FANCA: variants seen among roughly 807,000 people sequenced by gnomAD.
FANCA encodes Fanconi anemia group A protein.
FANCA carries 236 observed loss-of-function variants against 194.3 expected under a neutral mutation model. That is an observed-to-expected ratio of 1.21 (90% confidence interval 1.09 to 1.35). The LOEUF is 1.35. FANCA is among the 40% of genes most tolerant of loss of function. FANCA has a pLI of 0.00. For synonymous variants in FANCA, 1,014 were observed against 715.8 expected (o/e 1.42, Z -6.65); for missense variants, 2,628 against 1,813.9 (o/e 1.45, Z -8.15).
chr16:89,816,048 G>T, intron 1 of FANCA, 62 bp from the exon 2 acceptor site: 2 of 1,298,756 alleles, frequency 1.5e-6, no homozygotes, highest in South Asian at 1.2e-5. Context: ...TCCCCGGCCC[G>T]ACGCGCAGGT....
intron 26 of FANCA, among the ~76,000 whole-genome samples, chr16:89,769,398 C>T (rs759196401): frequency 2.2e-4 from 34 of 152,276 alleles, no homozygotes; most frequent in Middle Eastern, 3.4e-3. Context: ...CCTTCCTCAC[C>T]TCAGCACATG....
chr16:89,771,563 C>A, intron 23 of FANCA, 115 bp downstream of exon 23: 2 of 1,236,500 alleles, frequency 1.6e-6, no homozygotes, highest in South Asian at 1.3e-5. Flanking sequence ...ACATCTGATA[C>A]GACACTAACT....
At chr16:89,771,958 A>G in intron 22 of FANCA, 144 bp from the exon 23 acceptor site, 1 of 1,001,042 alleles carries the variant, frequency 1.0e-6, no homozygotes, top group Non-Finnish European at 1.5e-6. Flanking sequence ...GCTGAACACC[A>G]GTGTTTGTTC....
chr16:89,765,886 C>T (rs190756579), intron 27 of FANCA, among the ~76,000 whole-genome samples: 2 of 152,350 alleles, frequency 1.3e-5, no homozygotes, highest in African/African-American at 2.4e-5. Flanking sequence ...TCCTCAGGGG[C>T]TGCTCCCAGA....
At chr16:89,762,541 T>C (rs1598097779) in intron 28 of FANCA, 1 of 200,848 alleles carries the variant, frequency 5.0e-6, no homozygotes. Context: ...CTGCAGTGAG[T>C]AACAGAGTGA....
At chr16:89,808,894 C>T (rs71396968) in intron 5 of FANCA, among the ~76,000 whole-genome samples, 1,812 of 152,104 alleles carry the variant, frequency 0.012, 36 homozygotes, top group South Asian at 0.097. Flanking sequence ...CTTCTCATCC[C>T]CCTAACTCAC....
chr16:89,767,255 A>G lies in FANCA; in HGVS notation c.2505-18T>C, dbSNP rs750140062. The G allele has an allele frequency of 8.5e-5, 131 of 1,535,114 alleles. No individual in the cohort carries two copies. Among genetic ancestry groups the G allele is most frequent in the Non-Finnish European group, 1.1e-4 (122 of 1,109,066 alleles). ...TACAAAATCTGAAAACAGAAATTAT[A>G]ACATATAAATGTAATCCATACAAAA... On this transcript the variant is annotated intron_variant, in intron 26 of 42. Transcript: ENST00000389301.
At chr16:89,775,883 A>C (rs553669993) in intron 20 of FANCA, 68 bp from the exon 21 acceptor site, 3 of 958,452 alleles carry the variant, frequency 3.1e-6, no homozygotes, top group Non-Finnish European at 4.9e-6. Context: ...TACAATCCCC[A>C]AATCTATTAT....
rs752333498 is a variant in FANCA, at chr16:89,738,891, G to C, written c.4251C>G (p.His1417Gln). ...GGCATCTTGACGTTACCTCTGCCAC[G>C]TGTGAGAAGCTCTTTTTCGGGCACC... ...IPRCPKKSFSHVAELLADRGD... is the reference protein window; with the variant it reads ...IPRCPKKSFSQVAELLADRGD... The change falls in exon 42 of 43, where the codon CAC (histidine) becomes CAG (glutamine). Residue 1417 changes from histidine (H) to glutamine (Q), a missense_variant. His to Gln is a conservative substitution (Grantham distance 24). Transcript: ENST00000389301. The C allele has an allele frequency of 6.2e-7, 1 of 1,614,252 alleles. No individual in the cohort carries two copies. Among genetic ancestry groups the C allele is most frequent in the African/African-American group, 1.3e-5 (1 of 75,086 alleles).
At chr16:89,791,225 C>A in intron 14 of FANCA, 178 bp downstream of exon 14, 2 of 810,208 alleles carry the variant, frequency 2.5e-6, no homozygotes, top group Non-Finnish European at 4.0e-6. Context: ...GAGGCCCCGA[C>A]AGGGAGAACC....
intron 6 of FANCA, 128 bp downstream of exon 6, chr16:89,808,166 A>C (rs1049577678): frequency 1.2e-6 from 1 of 828,812 alleles, no homozygotes; most frequent in Non-Finnish European, 2.1e-6. Flanking sequence ...TATGCAATGC[A>C]ATCTAGTCTA....
chr16:89,806,160 G>A (rs1341921355), intron 6 of FANCA, among the ~76,000 whole-genome samples: 19 of 151,666 alleles, frequency 1.3e-4, no homozygotes, highest in African/African-American at 4.1e-4. Context: ...TGATCTGCCC[G>A]CCTCAGCCTC....
chr16:89,773,209 C>A, intron 22 of FANCA, 62 bp downstream of exon 22: 1 of 1,326,702 alleles, frequency 7.5e-7, no homozygotes, highest in South Asian at 1.3e-5. Context: ...ATGGCCCAGC[C>A]ACAGAGCTCC....
At position 89,738,259 on chromosome 16, in the gene FANCA, G is replaced by A; in HGVS notation, c.*342C>T. On this transcript the variant is annotated 3_prime_UTR_variant, in exon 43 of 43. Transcript: ENST00000389301. ...CGAACCCACCTGAGGACGGCAGTGA[G>A]GATGAGCACCTCTAGCAGCCTGGAC... The A allele has an allele frequency of 1.3e-6, 2 of 1,586,990 alleles. No homozygotes were observed. The highest frequency in any genetic ancestry group is 1.7e-6 in the Non-Finnish European group (2 of 1,167,716).
At chr16:89,765,103 G>C (rs138216948) in intron 27 of FANCA, 37 bp from the exon 28 acceptor site, 211 of 1,610,674 alleles carry the variant, frequency 1.3e-4, no homozygotes, top group Non-Finnish European at 1.7e-4. Context: ...TCTTCATTGC[G>C]CAAGTTTCAC....
chr16:89,781,363 CAAAAA>C (rs775937692), intron 17 of FANCA, among the ~76,000 whole-genome samples: 16 of 60,392 alleles, frequency 2.6e-4, no homozygotes, highest in South Asian at 7.1e-4. Context: ...GACTCCATTC[CAAAAA>C]AAAAAAAAAA....
intron 3 of FANCA, among the ~76,000 whole-genome samples, chr16:89,814,021 C>G (rs539483738): frequency 6.6e-6 from 1 of 152,244 alleles, no homozygotes; most frequent in Middle Eastern, 3.4e-3. Context: ...CATTCAGTGA[C>G]CAGTTGTCAA....
intron 15 of FANCA, among the ~76,000 whole-genome samples, chr16:89,783,947 CA>C (rs759447963): frequency 1.3e-5 from 2 of 151,972 alleles, no homozygotes; most frequent in African/African-American, 4.8e-5. Flanking sequence ...TTTCAGTAGA[CA>C]GGGGGTTTCT....
At chr16:89,809,778 G>A (rs190318987) in intron 5 of FANCA, among the ~76,000 whole-genome samples, 122 of 152,074 alleles carry the variant, frequency 8.0e-4, no homozygotes, top group African/African-American at 2.4e-3. Flanking sequence ...GCGTGAACCC[G>A]GGAGGCGGAC....
Sources: allele counts gnomAD v4.1 joint callset (sites outside exome capture counted in the v4.1 genomes callset), GRCh38; gene constraint gnomAD v4.1.1; transcripts MANE v1.5; gene names NCBI Gene and HGNC (gene_info 2026-07-23, HGNC 2026-07-21).